Variants in SYN3 observed in about 807,000 individuals in gnomAD.
The protein encoded by SYN3 is synapsin-3.
SYN3 carries 35 observed loss-of-function variants against 65.8 expected under a neutral mutation model. The observed-to-expected ratio is 0.53, with a 90% confidence interval of 0.41 to 0.70. SYN3 has a LOEUF of 0.70. Ranked by LOEUF, SYN3 falls within the 30% of genes least tolerant of loss-of-function variation. The probability of loss-of-function intolerance (pLI) is 0.00; values close to 1 mark genes in which losing one functional copy is unlikely to be tolerated. For synonymous variants in SYN3, 270 were observed against 292.9 expected, an observed-to-expected ratio of 0.92 and a Z score of 0.80; for missense variants, 680 against 749.0, an observed-to-expected ratio of 0.91 and a Z score of 1.08.
At chr22:32,888,235 A>C (rs920626383) in intron 4 of SYN3, among the ~76,000 whole-genome samples, 4 of 152,164 alleles carry the variant, frequency 2.6e-5, no homozygotes, top group African/African-American at 9.7e-5. Flanking sequence ...AATAAGATAT[A>C]ACTATTATTC....
At chr22:32,961,502 C>T (rs181314343) in intron 3 of SYN3, among the ~76,000 whole-genome samples, 1 of 152,254 alleles carries the variant, frequency 6.6e-6, no homozygotes, top group African/African-American at 2.4e-5. Context: ...TTTGGTTTCA[C>T]CCCCATCATA....
intron 6 of SYN3, among the ~76,000 whole-genome samples, chr22:32,663,939 C>CCT (rs34650632): frequency 1.1e-4 from 16 of 152,056 alleles, no homozygotes; most frequent in Middle Eastern, 3.4e-3. Context: ...ATTCCCCCCC[C>CCT]ACACTGCACA....
intron 3 of SYN3, among the ~76,000 whole-genome samples, chr22:32,935,600 G>C (rs1052820401): frequency 1.1e-4 from 17 of 152,096 alleles, no homozygotes; most frequent in African/African-American, 4.1e-4. Flanking sequence ...ACAGGCACCC[G>C]CCACCGCGCC....
chr22:32,866,901 T>C (rs1036288199), intron 5 of SYN3, among the ~76,000 whole-genome samples: 1 of 152,188 alleles, frequency 6.6e-6, no homozygotes. Flanking sequence ...TCTAAGGCAG[T>C]GAAAATTTTT....
intron 7 of SYN3, among the ~76,000 whole-genome samples, chr22:32,554,476 G>C (rs1010618851): frequency 1.3e-5 from 2 of 152,050 alleles, no homozygotes; most frequent in African/African-American, 4.8e-5. Context: ...ATAAGACTAG[G>C]AACCTTCAGT....
chr22:32,910,231 G>A (rs1031042398), intron 4 of SYN3, among the ~76,000 whole-genome samples: 8 of 152,124 alleles, frequency 5.3e-5, no homozygotes, highest in Non-Finnish European at 1.2e-4. Flanking sequence ...ACTCTTTTCT[G>A]GAAACATTTT....
At chr22:32,660,101 A>G (rs1277402373) in intron 6 of SYN3, among the ~76,000 whole-genome samples, 1 of 152,152 alleles carries the variant, frequency 6.6e-6, no homozygotes, top group African/African-American at 2.4e-5. Context: ...ATCCCATTGA[A>G]CATCCATGCA....
intron 6 of SYN3, among the ~76,000 whole-genome samples, chr22:32,650,746 C>G (rs5754185): frequency 0.2 from 29,729 of 152,038 alleles, 3,866 homozygotes; most frequent in East Asian, 0.68. Context: ...TATGCTCTGA[C>G]TCACTATGCC....
intron 4 of SYN3, among the ~76,000 whole-genome samples, chr22:32,911,548 G>T (rs1192956600): frequency 6.6e-6 from 1 of 152,086 alleles, no homozygotes; most frequent in Non-Finnish European, 1.5e-5. Context: ...GGGATGGGAG[G>T]GGGGCAGCAG....
chr22:32,867,731 C>T (rs1050881409), intron 5 of SYN3, among the ~76,000 whole-genome samples: 8 of 152,084 alleles, frequency 5.3e-5, no homozygotes, highest in African/African-American at 1.7e-4. Context: ...TACAGGTGCA[C>T]GCCACCACGC....
intron 6 of SYN3, among the ~76,000 whole-genome samples, chr22:32,855,448 G>A (rs2048337445): frequency 1.3e-5 from 2 of 152,188 alleles, no homozygotes; most frequent in Admixed American, 1.3e-4. Flanking sequence ...CTAAGATAAT[G>A]GGTAAGAGTA....
intron 6 of SYN3, among the ~76,000 whole-genome samples, chr22:32,644,752 G>C (rs1167453391): frequency 1.3e-5 from 2 of 152,210 alleles, no homozygotes; most frequent in Non-Finnish European, 2.9e-5. Context: ...AAGAGCAGCA[G>C]CGGCCTCTAT....
chr22:32,734,513 G>GACAGACAGACAGA (rs1555941121), intron 6 of SYN3, among the ~76,000 whole-genome samples: 171 of 151,442 alleles, frequency 1.1e-3, no homozygotes, highest in Non-Finnish European at 1.6e-3. Context: ...AGGCAGGCAG[G>GACAGACAGACAGA]CAGACAGACA....
intron 6 of SYN3, among the ~76,000 whole-genome samples, chr22:32,605,300 G>C (rs2059357148): frequency 6.6e-6 from 1 of 152,192 alleles, no homozygotes; most frequent in Non-Finnish European, 1.5e-5. Context: ...GGACAGATCA[G>C]GAATGGCAAG....
At chr22:32,703,638 T>TA (rs529566235) in intron 6 of SYN3, among the ~76,000 whole-genome samples, 379 of 135,284 alleles carry the variant, frequency 2.8e-3, no homozygotes, top group Middle Eastern at 7.5e-3. Context: ...CTCCATCGCT[T>TA]AAAAAAAAAA....
At chr22:32,664,382 G>A (rs2147025106) in intron 6 of SYN3, among the ~76,000 whole-genome samples, 2 of 152,160 alleles carry the variant, frequency 1.3e-5, no homozygotes, top group Middle Eastern at 6.8e-3. Context: ...TAGTTTTCAG[G>A]GGAAAATCTA....
At chr22:32,732,530 A>C (rs2061283707) in intron 6 of SYN3, among the ~76,000 whole-genome samples, 1 of 152,200 alleles carries the variant, frequency 6.6e-6, no homozygotes, top group African/African-American at 2.4e-5. Flanking sequence ...TGGGCTCTGG[A>C]GCCAGAAGGA....
At chr22:32,940,961 C>G (rs568081702) in intron 3 of SYN3, among the ~76,000 whole-genome samples, 1 of 152,310 alleles carries the variant, frequency 6.6e-6, no homozygotes, top group South Asian at 2.1e-4. Flanking sequence ...CTCAAAGGCT[C>G]TGTCCTGAAT....
intron 4 of SYN3, among the ~76,000 whole-genome samples, chr22:32,910,500 T>C (rs562765594): frequency 1.3e-5 from 2 of 152,324 alleles, no homozygotes; most frequent in Non-Finnish European, 2.9e-5. Flanking sequence ...ATGGCTATTA[T>C]TTATTGAGTA....
Sources: gnomAD v4.1 joint callset for allele counts (sites outside exome capture counted in the v4.1 genomes callset) on GRCh38, gnomAD v4.1.1 for gene constraint, MANE v1.5 for transcripts, NCBI Gene and HGNC (gene_info 2026-07-23, HGNC 2026-07-21) for gene names.